PZP: variants seen among roughly 807,000 people sequenced by gnomAD.
The protein encoded by PZP is PZP alpha-2-macroglobulin like, also known as pregnancy zone protein.
A neutral mutation model predicts 179.8 loss-of-function variants in PZP; 150 were observed. That is an observed-to-expected ratio of 0.83 (90% CI 0.73 to 0.96). The LOEUF (loss-of-function observed/expected upper bound fraction) is 0.96. Among genes scored for constraint, PZP ranks in the 40% least tolerant of loss-of-function variants. The pLI is 0.00. For missense variants in PZP, 1,689 were observed against 1,764.0 expected (o/e 0.96, Z 0.76); for synonymous variants, 624 against 652.3 (o/e 0.96, Z 0.66).
At chr12:9,160,847 G>A (rs1418978272) in intron 23 of PZP, among the ~76,000 whole-genome samples, 186 bp downstream of exon 23, 1 of 151,818 alleles carries the variant, frequency 6.6e-6, no homozygotes, top group African/African-American at 2.4e-5. Flanking sequence ...CCCAGGAGGC[G>A]GAGCTTGCAG....
downstream of PZP, among the ~76,000 whole-genome samples, chr12:9,146,477 A>T (rs953694700): frequency 6.6e-6 from 1 of 152,184 alleles, no homozygotes; most frequent in Non-Finnish European, 1.5e-5. Context: ...TCCATAAAGT[A>T]AATCACATAA....
chr12:9,162,538 T>G, intron 22 of PZP, 59 bp downstream of exon 22: 6 of 1,199,204 alleles, frequency 5.0e-6, no homozygotes, highest in Non-Finnish European at 6.1e-6. Flanking sequence ...CATTGTAACT[T>G]GAGGTTTATA....
At position 9,201,277 on chromosome 12, in the gene PZP, A is replaced by C. The variant is rs750900027; in HGVS notation, c.501+50T>G. 7 of 1,459,918 alleles carry C rather than the reference A, an allele frequency of 4.8e-6. No homozygotes were observed. The East Asian group carries it at 1.6e-4, about 33-fold the overall frequency. 90.4% of individuals were successfully genotyped at this position (1,459,918 alleles called of 1,614,324 possible). A position where few individuals can be genotyped will look rare whatever the true frequency, so the allele number is the denominator to read the frequency against. On this transcript the variant is annotated intron_variant, in intron 5 of 35. Transcript: ENST00000261336. ...GTCTAGAGTATTATCAGAACCTCCT[A>C]CTCTCTAAAAGCACTAATTTCCTTA...
intron 13 of PZP, among the ~76,000 whole-genome samples, chr12:9,188,767 C>T (rs1251385868): frequency 1.3e-5 from 2 of 152,154 alleles, no homozygotes; most frequent in Non-Finnish European, 2.9e-5. Context: ...TGCAAGCAAT[C>T]CCATTCACAA....
chr12:9,196,274 C>T, intron 10 of PZP, 56 bp downstream of exon 10: 1 of 1,239,260 alleles, frequency 8.1e-7, no homozygotes, highest in Non-Finnish European at 1.2e-6. Context: ...TCATTGTGTC[C>T]TGTGCTTAGG....
At chr12:9,176,535 A>G (rs1047627559) in intron 15 of PZP, among the ~76,000 whole-genome samples, 1 of 152,264 alleles carries the variant, frequency 6.6e-6, no homozygotes, top group African/African-American at 2.4e-5. Flanking sequence ...ATAGGCACAT[A>G]AATGAACTTA....
intron 17 of PZP, among the ~76,000 whole-genome samples, chr12:9,166,650 A>G (rs1016899244): frequency 8.5e-5 from 13 of 152,378 alleles, no homozygotes; most frequent in Middle Eastern, 3.4e-3. Context: ...TTACTTTTAC[A>G]TAAATTAAAT....
intron 15 of PZP, among the ~76,000 whole-genome samples, chr12:9,178,886 G>T (rs974285199): frequency 6.6e-6 from 1 of 151,844 alleles, no homozygotes; most frequent in Non-Finnish European, 1.5e-5. Flanking sequence ...ATAGGACAGG[G>T]GTCTCAGATA....
the PZP span, among the ~76,000 whole-genome samples, chr12:9,137,997 G>C: frequency 6.6e-6 from 1 of 151,972 alleles, no homozygotes; most frequent in African/African-American, 2.4e-5. Context: ...TTTCTGATTT[G>C]GTAGGCTTTA....
downstream of PZP, among the ~76,000 whole-genome samples, chr12:9,146,896 G>C (rs890981706): frequency 7.7e-6 from 1 of 130,204 alleles, no homozygotes; most frequent in African/African-American, 2.9e-5. Flanking sequence ...AGAGAAGTTG[G>C]AGTATTGGAT....
chr12:9,189,953 A>G (rs1199261706), intron 13 of PZP, among the ~76,000 whole-genome samples: 1 of 152,224 alleles, frequency 6.6e-6, no homozygotes, highest in Non-Finnish European at 1.5e-5. Context: ...TTATCATCTC[A>G]CATCAGTCAG....
Position 9,192,663 on chromosome 12 carries a change from G to T in PZP, c.1331C>A (p.Ala444Glu). The T allele has an allele frequency of 6.2e-7, 1 of 1,614,008 alleles. No individual in the cohort carries two copies. Among genetic ancestry groups the T allele is most frequent in the Non-Finnish European group, 8.5e-7 (1 of 1,179,872 alleles). ...TCCACTTAAGGAGAAAACACGATTT[G>T]CAGTGTGCTGAGCACCCTGGTGGTC... ...AEDHQGAQHTANRVFSLSGSY... is the reference protein window; with the variant it reads ...AEDHQGAQHTENRVFSLSGSY... Residue 444 changes from alanine to glutamate, a missense_variant, in exon 12 of 36, where the codon GCA (alanine) becomes GAA (glutamate). By Grantham distance (107) the Ala-to-Glu change is moderately radical. Transcript: ENST00000261336.
chr12:9,194,225 T>C lies in PZP; in HGVS notation c.1106A>G (p.Asp369Gly), dbSNP rs1338346451. The change falls in exon 11 of 36, where the codon GAT becomes GGT. Residue 369 changes from aspartate (D) to glycine (G), a missense_variant. Asp to Gly is a moderately conservative substitution (Grantham distance 94, BLOSUM62 -1). Coordinates refer to ENST00000261336, the MANE Select transcript of PZP (RefSeq NM_002864.3). ...IPFFAQVLLV[D>G]GKGVPIPNKL... is the part of the protein sequence containing the mutation. ...ATTGGGGATGGGCACACCTTTTCCA[T>C]CCACCAGAAGCACCTAAAGAAGAAA... 1.2e-6 allele frequency: 2 copies of C among 1,613,890 alleles called. No homozygotes were observed. The highest frequency in any genetic ancestry group is 1.7e-6 in the Non-Finnish European group (2 of 1,179,902).
rs117507864 is a variant in PZP at position 9,186,347 on chromosome 12, C to T, written c.1547-4230G>A. 3.4e-3 allele frequency among the ~76,000 whole-genome samples: 518 copies of T among 152,248 alleles called. 8 individuals carry two copies. Among genetic ancestry groups the T allele is most frequent in the Middle Eastern group, 0.01 (3 of 294 alleles). On this transcript the variant is annotated intron_variant, in intron 13 of 35. Transcript: ENST00000261336. ...CCAGTGACACTATAGAGCAGTTACA[C>T]AAACAAGTTGACAAACAGCTAACAA...
intron 10 of PZP, among the ~76,000 whole-genome samples, chr12:9,195,401 C>CCCTTTCCCCTTCCCCTTT (rs1358295659): frequency 3.3e-5 from 5 of 151,450 alleles, no homozygotes; most frequent in Non-Finnish European, 7.4e-5. Flanking sequence ...CCTGGCCCTT[C>CCCTTTCCCCTTCCCCTTT]CCTTTCCCCT....
chr12:9,184,709 G>C (rs1320623481), intron 13 of PZP, among the ~76,000 whole-genome samples: 1 of 152,208 alleles, frequency 6.6e-6, no homozygotes, highest in African/African-American at 2.4e-5. Flanking sequence ...TCCCTTCAGT[G>C]CAACATGTTC....
chr12:9,171,604 C>G (rs887714777), intron 15 of PZP, among the ~76,000 whole-genome samples: 4 of 152,112 alleles, frequency 2.6e-5, no homozygotes, highest in African/African-American at 9.7e-5. Flanking sequence ...TAAAACAATA[C>G]AGGAGCTGGT....
intron 7 of PZP, among the ~76,000 whole-genome samples, 188 bp downstream of exon 7, chr12:9,200,176 C>T (rs1468173256): frequency 6.6e-6 from 1 of 152,042 alleles, no homozygotes; most frequent in Non-Finnish European, 1.5e-5. Context: ...ATTGTTAAAT[C>T]ATAATTAAGT....
At chr12:9,188,419 C>T (rs765510587) in intron 13 of PZP, among the ~76,000 whole-genome samples, 42 of 152,292 alleles carry the variant, frequency 2.8e-4, no homozygotes, top group Middle Eastern at 6.8e-3. Context: ...CAACATCATA[C>T]TGAATGGGCA....
Sources: gnomAD v4.1 joint callset for allele counts (sites outside exome capture counted in the v4.1 genomes callset) on GRCh38, gnomAD v4.1.1 for gene constraint, MANE v1.5 for transcripts, NCBI Gene and HGNC (gene_info 2026-07-23, HGNC 2026-07-21) for gene names.